The following RPS6KA2 variants were observed in gnomAD, a reference collection of about 807,000 sequenced individuals.
RPS6KA2 encodes ribosomal protein S6 kinase alpha-2.
A neutral mutation model predicts 91.8 loss-of-function variants in RPS6KA2; 42 were observed. The observed-to-expected ratio is 0.46, with a 90% CI of 0.36 to 0.59. The LOEUF is 0.59. Among genes scored for constraint, RPS6KA2 ranks in the 20% least tolerant of loss-of-function variants. The pLI, the probability that RPS6KA2 is intolerant of heterozygous loss-of-function variation, is 0.00. For missense variants in RPS6KA2, 798 were observed against 978.5 expected (o/e 0.82, Z 2.46); for synonymous variants, 414 against 393.6 (o/e 1.05, Z -0.61).
intron 2 of RPS6KA2, among the ~76,000 whole-genome samples, chr6:166,690,641 C>T (rs1040788014): frequency 1.4e-4 from 21 of 152,276 alleles, no homozygotes; most frequent in African/African-American, 4.3e-4. Context: ...AGGACACATC[C>T]GCTCCCTGGG....
At position 166,419,902 on chromosome 6, in the gene RPS6KA2, C is replaced by T. The variant is rs771824690; in HGVS notation, c.1800G>A (p.Leu600=). The change falls in exon 18 of 21, where the codon CTG becomes CTA. Residue 600 remains leucine (L), a synonymous_variant. Transcript: ENST00000265678. This position sits in a 1 kb window ranked among gnomAD's most constrained non-coding sequence, Gnocchi z 5.6. The part of the protein sequence containing the change: ...AACDIWSLGI[L]LYTMLAGFTP... ...CTTACCCTGCCAGCATGGTGTACAA[C>T]AGGATCCCCAAACTCCAGATGTCAC... is the stretch of plus-strand genomic sequence containing the variant. 6.2e-7 allele frequency: 1 copy of T among 1,614,022 alleles called. No individual in the cohort carries two copies. Among genetic ancestry groups the T allele is most frequent in the Admixed American group, 1.7e-5 (1 of 60,024 alleles).
chr6:166,670,022 A>T (rs914265545), intron 2 of RPS6KA2, among the ~76,000 whole-genome samples: 1 of 152,246 alleles, frequency 6.6e-6, no homozygotes, highest in Non-Finnish European at 1.5e-5. Context: ...TTTCCAGGGC[A>T]TCCAGAGATG....
chr6:166,468,602 G>T (rs1035935217), intron 11 of RPS6KA2, among the ~76,000 whole-genome samples: 6 of 151,920 alleles, frequency 3.9e-5, no homozygotes, highest in African/African-American at 1.5e-4. Flanking sequence ...GGTGGCTCAC[G>T]CCTGTAATCC....
chr6:166,616,243 A>G (rs1393658613), intron 1 of RPS6KA2, among the ~76,000 whole-genome samples: 1 of 152,166 alleles, frequency 6.6e-6, no homozygotes, highest in African/African-American at 2.4e-5. Context: ...GAGCCTCAAG[A>G]AGTTCCCATT....
rs1484514461 is a variant in RPS6KA2, at chr6:166,648,050, GCACATGCTCACA to G, written c.124-109278_124-109267del. On this transcript the variant is annotated intron_variant, in intron 2 of 21. Transcript: ENST00000503859. The surrounding 1 kb of genome is among the most constrained non-coding windows in gnomAD (Gnocchi z 4.8). The stretch of plus-strand genomic sequence containing the variant: ...CATACACACATGCTCTCACACACAT[GCACATGCTCACA>G]CACATGCACACGCACATGGTCATAC... Among the ~76,000 whole-genome samples, 23 of 139,756 alleles carry G rather than the reference GCACATGCTCACA, an allele frequency of 1.6e-4. No individual in the cohort carries two copies. The highest frequency in any genetic ancestry group is 5.5e-4 in the African/African-American group (20 of 36,302). 91.7% of individuals were successfully genotyped at this position (139,756 alleles called of 152,430 possible).
In RPS6KA2 at chr6:166,500,981, G is replaced by A; in HGVS notation, c.567-57C>T. 3 of 1,534,132 alleles carry A rather than the reference G, an allele frequency of 2.0e-6. No homozygotes were observed. The highest frequency in any genetic ancestry group is 2.7e-6 in the Non-Finnish European group (3 of 1,110,872). Reference sequence around the variant, plus strand: ...AGAAAGAGACCCAGCCTGCCGACGGGCACGCAGAGCTCAGAGGAGAGCTGC... The same window carrying A: ...AGAAAGAGACCCAGCCTGCCGACGGACACGCAGAGCTCAGAGGAGAGCTGC... On this transcript the variant is annotated intron_variant, in intron 6 of 20. Coordinates refer to ENST00000265678, the MANE Select transcript of RPS6KA2 (RefSeq NM_021135.6). The surrounding 1 kb of genome is among the most constrained non-coding windows in gnomAD (Gnocchi z 4.3).
chr6:166,412,961 T>A lies in RPS6KA2; in HGVS notation c.2077-74A>T. The A allele has an allele frequency of 6.9e-7, 1 of 1,439,496 alleles. No individual in the cohort carries two copies. The highest frequency in any genetic ancestry group is 2.6e-5 in the East Asian group (1 of 38,268). The allele number at this position is 1,439,496 out of a possible 1,614,324, so 89.2% of individuals were successfully genotyped here. On this transcript the variant is annotated intron_variant, in intron 20 of 20. Transcript: ENST00000265678. This position sits in a 1 kb window ranked among gnomAD's most constrained non-coding sequence, Gnocchi z 4.3. The stretch of plus-strand genomic sequence containing the variant: ...GTTGAGCCGGAGCCCGGGGCCTCCA[T>A]GGGCCTCAGCTGCCCCCAGGCAACG...
intron 2 of RPS6KA2, among the ~76,000 whole-genome samples, chr6:166,799,121 A>T (rs1779297533): frequency 6.6e-6 from 1 of 152,226 alleles, no homozygotes; most frequent in Non-Finnish European, 1.5e-5. Context: ...TCCATCTTTC[A>T]TTCCCATTTA....
chr6:166,818,715 T>C (rs1283943424), intron 2 of RPS6KA2, among the ~76,000 whole-genome samples: 2 of 152,150 alleles, frequency 1.3e-5, no homozygotes, highest in East Asian at 3.8e-4. Context: ...AATCCATCAA[T>C]TATTTTTTAG....
Position 166,504,458 on chromosome 6 carries a change from T to C in RPS6KA2, c.566+48A>G, listed in dbSNP as rs201726289. On this transcript the variant is annotated intron_variant, in intron 6 of 20. Coordinates refer to ENST00000265678, the MANE Select transcript of RPS6KA2 (RefSeq NM_021135.6). Reference sequence around the variant, plus strand: ...TACCAACATGGGCCAGGAAAATACATGGAGCTGATGGGCGTGGGGAAGTCA... The same window carrying C: ...TACCAACATGGGCCAGGAAAATACACGGAGCTGATGGGCGTGGGGAAGTCA... 3.2e-5 allele frequency: 35 copies of C among 1,104,990 alleles called. No individual in the cohort carries two copies. The Admixed American group carries it at 6.5e-4, about 21-fold the overall frequency. 68.4% of individuals were successfully genotyped at this position (1,104,990 alleles called of 1,614,324 possible).
intron 8 of RPS6KA2, 48 bp downstream of exon 8, chr6:166,498,460 C>T (rs766297206): frequency 1.3e-5 from 20 of 1,559,626 alleles, no homozygotes; most frequent in South Asian, 3.5e-5. Flanking sequence ...CAGGGGTCCA[C>T]GTGGGGAACA....
chr6:166,488,354 A>T (rs1781480894), intron 10 of RPS6KA2, among the ~76,000 whole-genome samples: 1 of 152,192 alleles, frequency 6.6e-6, no homozygotes, highest in Non-Finnish European at 1.5e-5. Context: ...GGCCGCGCCA[A>T]CTCGCTAAGA....
intron 14 of RPS6KA2, among the ~76,000 whole-genome samples, chr6:166,443,164 C>A: frequency 6.6e-6 from 1 of 151,864 alleles, no homozygotes. Context: ...TGTTACTAAG[C>A]AAATCATAAG....
intron 2 of RPS6KA2, among the ~76,000 whole-genome samples, chr6:166,771,834 C>T (rs971317013): frequency 2.0e-5 from 3 of 152,150 alleles, no homozygotes; most frequent in Non-Finnish European, 4.4e-5. Flanking sequence ...TCGGTTGTCA[C>T]GAGTGAGCAC....
At chr6:166,489,383 T>A (rs1370550995) in intron 9 of RPS6KA2, among the ~76,000 whole-genome samples, 1 of 152,194 alleles carries the variant, frequency 6.6e-6, no homozygotes, top group Non-Finnish European at 1.5e-5. Context: ...GACCCTGTGC[T>A]CGGTCTGTTG....
intron 3 of RPS6KA2, among the ~76,000 whole-genome samples, chr6:166,518,549 G>C (rs1366312783): frequency 6.6e-6 from 1 of 152,160 alleles, no homozygotes; most frequent in East Asian, 1.9e-4. Flanking sequence ...AGCCATGACA[G>C]TGAATGCAAC....
chr6:166,431,194 C>T (rs1474191443), intron 15 of RPS6KA2, among the ~76,000 whole-genome samples: 1 of 152,200 alleles, frequency 6.6e-6, no homozygotes, highest in Non-Finnish European at 1.5e-5. Context: ...TCCCAAAGTG[C>T]TGGGATTACA....
intron 1 of RPS6KA2, among the ~76,000 whole-genome samples, chr6:166,623,357 G>C (rs965060227): frequency 6.6e-6 from 1 of 152,232 alleles, no homozygotes; most frequent in Non-Finnish European, 1.5e-5. Flanking sequence ...CTCTACTGGC[G>C]TGTGGAAAGG....
chr6:166,810,564 G>A (rs1779605018), intron 2 of RPS6KA2, among the ~76,000 whole-genome samples: 1 of 152,222 alleles, frequency 6.6e-6, no homozygotes, highest in Admixed American at 6.5e-5. Flanking sequence ...AGAATCACCG[G>A]TAATCAATGG....
Sources: allele counts gnomAD v4.1 joint callset (sites outside exome capture counted in the v4.1 genomes callset), GRCh38; gene constraint gnomAD v4.1.1; non-coding constraint Gnocchi (gnomAD v3.1); transcripts MANE v1.5; gene names NCBI Gene and HGNC (gene_info 2026-07-23, HGNC 2026-07-21).